Variants in SMYD3 observed in about 807,000 individuals in gnomAD.
The protein encoded by SMYD3 is histone-lysine N-methyltransferase SMYD3.
SMYD3 carries 36 observed loss-of-function variants against 57.7 expected under a neutral mutation model. The ratio of observed to expected loss-of-function variants is 0.62; its 90% CI spans 0.48 to 0.82. The LOEUF (loss-of-function observed/expected upper bound fraction) is 0.82, where lower values mean the gene tolerates loss of function less well. Among genes scored for constraint, SMYD3 ranks in the 40% least tolerant of loss-of-function variants. The probability of loss-of-function intolerance (pLI) is 0.00; values close to 1 mark genes in which losing one functional copy is unlikely to be tolerated. For synonymous variants in SMYD3, 211 were observed against 195.0 expected (o/e 1.08, Z -0.68); for missense variants, 515 against 538.8 (o/e 0.96, Z 0.44).
rs957992295 is a variant in SMYD3, at chr1:246,501,803, A to G, written c.164+5251T>C. On this transcript the variant is annotated intron_variant, in intron 1 of 11. Transcript: ENST00000490107. ...GTTCCCACTTTAAATAAACAAACAC[A>G]AGTTTTAAGTAGACCCTCAGCACTT... Among the ~76,000 whole-genome samples, 11 of 152,168 alleles carry G rather than the reference A, an allele frequency of 7.2e-5. 1 individual carries two copies. The highest frequency in any genetic ancestry group is 2.7e-4 in the African/African-American group (11 of 41,430).
rs1039006752 is a variant in SMYD3, at chr1:246,166,625, G to T, written c.531+160576C>A. Among the ~76,000 whole-genome samples the T allele has an allele frequency of 5.9e-5, 9 of 152,244 alleles. No individual in the cohort carries two copies. In the East Asian group the frequency reaches 1.7e-3, roughly 29 times the overall value. On this transcript the variant is annotated intron_variant, in intron 5 of 11. Transcript: ENST00000490107. ...GGGAACCACGTCAGTCATTGTGCTT[G>T]TCCACACATGTAAAGTGCTCAAGAT...
At chr1:246,284,350 T>C (rs559041035) in intron 5 of SMYD3, among the ~76,000 whole-genome samples, 1 of 152,342 alleles carries the variant, frequency 6.6e-6, no homozygotes. Flanking sequence ...GTCAGCAACG[T>C]GAATTCTCTC....
intron 10 of SMYD3, among the ~76,000 whole-genome samples, chr1:245,858,127 T>C (rs2051345870): frequency 6.6e-6 from 1 of 152,178 alleles, no homozygotes; most frequent in Non-Finnish European, 1.5e-5. Context: ...CAGAGGCTCA[T>C]GACACAGCCT....
chr1:246,409,966 G>A (rs1429473586), intron 1 of SMYD3, among the ~76,000 whole-genome samples: 1 of 152,024 alleles, frequency 6.6e-6, no homozygotes, highest in Non-Finnish European at 1.5e-5. Context: ...CTCATGATTT[G>A]GCTCTCTGTT....
chr1:246,004,782 G>A (rs2059140403), intron 5 of SMYD3, among the ~76,000 whole-genome samples: 1 of 152,168 alleles, frequency 6.6e-6, no homozygotes, highest in Non-Finnish European at 1.5e-5. Context: ...CCAGAAAATG[G>A]ACAGCACTGT....
chr1:245,926,385 C>T (rs1048076369), intron 7 of SMYD3, among the ~76,000 whole-genome samples: 1 of 152,174 alleles, frequency 6.6e-6, no homozygotes, highest in Non-Finnish European at 1.5e-5. Context: ...TGTTTATTCT[C>T]TTAAACTGGT....
chr1:245,773,150 A>G (rs1477136457), intron 10 of SMYD3, among the ~76,000 whole-genome samples: 1 of 151,896 alleles, frequency 6.6e-6, no homozygotes, highest in Non-Finnish European at 1.5e-5. Flanking sequence ...ACAGCCAAAA[A>G]CAAACAAACA....
At chr1:245,835,661 G>C (rs2148400269) in intron 10 of SMYD3, among the ~76,000 whole-genome samples, 1 of 152,222 alleles carries the variant, frequency 6.6e-6, no homozygotes, top group South Asian at 2.1e-4. Flanking sequence ...GCACAAGCTT[G>C]GTACTCTAAC....
intron 5 of SMYD3, among the ~76,000 whole-genome samples, chr1:246,134,077 G>A (rs2061629169): frequency 6.6e-6 from 1 of 152,090 alleles, no homozygotes. Flanking sequence ...CAGATAAGAT[G>A]ACATTTTAAT....
intron 5 of SMYD3, among the ~76,000 whole-genome samples, chr1:245,977,652 C>A (rs1053929208): frequency 3.3e-5 from 5 of 152,156 alleles, no homozygotes; most frequent in African/African-American, 1.2e-4. Flanking sequence ...GCATTCCAGC[C>A]TGGGTGACGG....
chr1:246,340,802 TA>T (rs1299986020), intron 2 of SMYD3, among the ~76,000 whole-genome samples: 1 of 151,912 alleles, frequency 6.6e-6, no homozygotes, highest in Non-Finnish European at 1.5e-5. Flanking sequence ...CCCATCTCTA[TA>T]AAAAAAAATT....
Position 245,928,037 on chromosome 1 carries a change from G to GA in SMYD3, c.600-5dup, listed in dbSNP as rs755376291. 1,210 of 1,559,468 alleles carry GA rather than the reference G, an allele frequency of 7.8e-4. No homozygotes were observed. The highest frequency in any genetic ancestry group is 1.1e-3 in the East Asian group (47 of 43,138). On this transcript the variant is annotated splice_region_variant and splice_polypyrimidine_tract_variant and intron_variant, in intron 6 of 11. Coordinates refer to ENST00000490107, the MANE Select transcript of SMYD3 (RefSeq NM_001167740.2). ...GCTGTGATTGAGCAAAGAGATACTG[G>GA]AAAAAAAAAGGGGGGAAGACTGTCA... is the stretch of plus-strand genomic sequence containing the variant.
intron 5 of SMYD3, among the ~76,000 whole-genome samples, chr1:246,225,135 A>G (rs1318914048): frequency 6.6e-6 from 1 of 151,888 alleles, no homozygotes; most frequent in African/African-American, 2.4e-5. Context: ...TTATTTAACG[A>G]GAAAGAAAGG....
At chr1:246,104,748 G>A (rs989409347) in intron 5 of SMYD3, among the ~76,000 whole-genome samples, 1 of 151,830 alleles carries the variant, frequency 6.6e-6, no homozygotes, top group Non-Finnish European at 1.5e-5. Flanking sequence ...TTCCATATTC[G>A]CTTGAGACCT....
chr1:246,231,449 C>T lies in SMYD3; in HGVS notation c.531+95752G>A, dbSNP rs548557393. Among the ~76,000 whole-genome samples the T allele has an allele frequency of 1.1e-4, 16 of 152,224 alleles. No homozygotes were observed. In the South Asian group the frequency reaches 3.3e-3, roughly 32 times the overall value. On this transcript the variant is annotated intron_variant, in intron 5 of 11. Transcript: ENST00000490107. The stretch of plus-strand genomic sequence containing the variant: ...AGCATGTAATATAACAAATTTTATG[C>T]ACCAATAATTTTTTACAGTATTCAG...
intron 1 of SMYD3, among the ~76,000 whole-genome samples, chr1:246,406,010 T>A (rs2066860637): frequency 6.6e-6 from 1 of 151,844 alleles, no homozygotes; most frequent in African/African-American, 2.4e-5. Flanking sequence ...TTATTCAAAC[T>A]CTCTCATTCT....
chr1:246,452,429 T>C (rs1003912378), intron 1 of SMYD3, among the ~76,000 whole-genome samples: 2 of 152,088 alleles, frequency 1.3e-5, no homozygotes, highest in East Asian at 1.9e-4. Context: ...TTGAACTCGT[T>C]TGGGAGGTGG....
chr1:246,255,908 T>G (rs2063877188), intron 5 of SMYD3, among the ~76,000 whole-genome samples: 1 of 145,274 alleles, frequency 6.9e-6, no homozygotes, highest in Non-Finnish European at 1.5e-5. Context: ...CAGGGTTCTC[T>G]TAGAGGGACA....
chr1:246,483,553 G>A (rs1227312367), intron 1 of SMYD3: 1 of 152,144 alleles, frequency 6.6e-6, no homozygotes, highest in Non-Finnish European at 1.5e-5. Flanking sequence ...TTATTTGGAA[G>A]AATATTCACT....
Sources: allele counts gnomAD v4.1 joint callset (sites outside exome capture counted in the v4.1 genomes callset), GRCh38; gene constraint gnomAD v4.1.1; transcripts MANE v1.5; gene names NCBI Gene and HGNC (gene_info 2026-07-23, HGNC 2026-07-21).